The following IGF2BP1 variants were observed in gnomAD, a reference collection of about 807,000 sequenced individuals.
IGF2BP1 encodes insulin-like growth factor 2 mRNA-binding protein 1.
Under a neutral mutation model 74.9 loss-of-function variants are expected in IGF2BP1, and 11 were observed. That is an observed-to-expected ratio of 0.15 (90% CI 0.09 to 0.24). The LOEUF is 0.24. Among genes scored for constraint, IGF2BP1 ranks in the 10% least tolerant of loss-of-function variants. The probability of loss-of-function intolerance (pLI) is 1.00; values close to 1 mark genes in which losing one functional copy is unlikely to be tolerated. For synonymous variants in IGF2BP1, 287 were observed against 281.8 expected, an observed-to-expected ratio of 1.02 and a Z score of -0.18; for missense variants, 440 against 757.4, an observed-to-expected ratio of 0.58 and a Z score of 4.92.
chr17:49,031,102 G>T (rs545984032), intron 4 of IGF2BP1, among the ~76,000 whole-genome samples: 1 of 152,266 alleles, frequency 6.6e-6, no homozygotes, highest in African/African-American at 2.4e-5. Flanking sequence ...CAAAAAGCAA[G>T]AAGGTAAATT....
Position 49,049,662 on chromosome 17 carries a change from G to A in IGF2BP1, c.*218G>A, listed in dbSNP as rs2042147037. 2 of 508,648 alleles carry A rather than the reference G, an allele frequency of 3.9e-6. No homozygotes were observed. The highest frequency in any genetic ancestry group is 3.9e-5 in the African/African-American group (2 of 51,202). The allele number at this position is 508,648 out of a possible 1,614,324, so 31.5% of individuals were successfully genotyped here. A position where few individuals can be genotyped will look rare whatever the true frequency, so the allele number is the denominator to read the frequency against. ...TTGGCCCAACACTGTCTGCCCCTCG[G>A]GGTGTCAGAAATTCTAGCGCAAGGC... On this transcript the variant is annotated 3_prime_UTR_variant, in exon 15 of 15. Coordinates refer to ENST00000290341, the MANE Select transcript of IGF2BP1 (RefSeq NM_006546.4).
At chr17:49,041,640 TAAAG>T in intron 8 of IGF2BP1, 140 bp downstream of exon 8, 2 of 1,148,414 alleles carry the variant, frequency 1.7e-6, no homozygotes, top group Non-Finnish European at 2.5e-6. Flanking sequence ...GTCGAAGTGG[TAAAG>T]AGCATTTAAA....
In IGF2BP1 at chr17:49,030,002, TTGATG is replaced by T. The variant is rs2041904265; in HGVS notation, c.338-1907_338-1903del. The stretch of plus-strand genomic sequence containing the variant: ...ATTTTCCTAGTTAGAGCCAAGAATT[TTGATG>T]GGATCAATGACTAGCATCCTGAGGC... On this transcript the variant is annotated intron_variant, in intron 4 of 14. Transcript: ENST00000290341. Among the ~76,000 whole-genome samples the T allele has an allele frequency of 2.6e-5, 4 of 152,210 alleles. No individual in the cohort carries two copies. The South Asian group carries it at 8.3e-4, about 32-fold the overall frequency.
chr17:49,014,699 C>T (rs1486511291), intron 2 of IGF2BP1: 2 of 858,826 alleles, frequency 2.3e-6, no homozygotes, highest in Admixed American at 6.2e-5. Flanking sequence ...TCCCTGAGGG[C>T]TACTGCGCAG....
chr17:49,022,448 C>T (rs1028079859), intron 2 of IGF2BP1, among the ~76,000 whole-genome samples: 1 of 152,044 alleles, frequency 6.6e-6, no homozygotes, highest in Non-Finnish European at 1.5e-5. Flanking sequence ...TTAATCAGGG[C>T]TGGGGGCTTT....
chr17:49,013,305 G>A (rs2041644589), intron 2 of IGF2BP1, among the ~76,000 whole-genome samples: 1 of 152,130 alleles, frequency 6.6e-6, no homozygotes. Flanking sequence ...GAAGGCCTTG[G>A]GGACTAGCCC....
rs2042226726 is a variant in IGF2BP1, at chr17:49,056,021, AGTTT to A, written c.*6581_*6584del. 6.6e-6 allele frequency among the ~76,000 whole-genome samples: 1 copy of A among 151,650 alleles called. No homozygotes were observed. ...GTGGGGCAGCTGGCTCACACGTTGGAGTTTGTTCTTTGATGGATGAACGAACACT... is the reference window on the plus strand; with the variant it reads ...GTGGGGCAGCTGGCTCACACGTTGGAGTTCTTTGATGGATGAACGAACACT... On this transcript the variant is annotated 3_prime_UTR_variant, in exon 15 of 15. Coordinates refer to ENST00000290341, the MANE Select transcript of IGF2BP1 (RefSeq NM_006546.4).
intron 5 of IGF2BP1, chr17:49,037,397 C>G: frequency 2.0e-6 from 1 of 493,364 alleles, no homozygotes; most frequent in South Asian, 2.2e-5. Flanking sequence ...GGAATTTCTA[C>G]AAAGAGAAGG....
chr17:49,015,510 ATC>A (rs1208585601), intron 2 of IGF2BP1, among the ~76,000 whole-genome samples: 1 of 152,130 alleles, frequency 6.6e-6, no homozygotes, highest in East Asian at 1.9e-4. Flanking sequence ...GGACCTCCCC[ATC>A]TCAGATTGCA....
At chr17:49,030,141 CT>C (rs35530909) in intron 4 of IGF2BP1, among the ~76,000 whole-genome samples, 55,591 of 120,360 alleles carry the variant, frequency 0.46, 11,003 homozygotes, top group African/African-American at 0.58. Context: ...TTTAGCTGGA[CT>C]TTTTTTTTTT....
At chr17:49,015,788 G>A (rs2041693250) in intron 2 of IGF2BP1, among the ~76,000 whole-genome samples, 1 of 152,196 alleles carries the variant, frequency 6.6e-6, no homozygotes, top group African/African-American at 2.4e-5. Flanking sequence ...CTCCTTGGGG[G>A]CTGCTCAGAT....
At chr17:49,038,658 A>G (rs2042014846) in intron 6 of IGF2BP1, among the ~76,000 whole-genome samples, 1 of 152,100 alleles carries the variant, frequency 6.6e-6, no homozygotes. Flanking sequence ...GTGCTAGGCC[A>G]CACACTCGTA....
At position 49,003,619 on chromosome 17, in the gene IGF2BP1, A is replaced by G. The variant is rs544336514; in HGVS notation, c.236+4450A>G. ...TTAAAATAAGTGTGGTTCGTTCCCT[A>G]TCCTCTTAAAAGATTCTTGAAATGT... On this transcript the variant is annotated intron_variant, in intron 2 of 14. Coordinates refer to ENST00000290341, the MANE Select transcript of IGF2BP1 (RefSeq NM_006546.4). 2.3e-4 allele frequency among the ~76,000 whole-genome samples: 35 copies of G among 152,178 alleles called. 2 individuals are homozygous for G. The South Asian group carries it at 5.8e-3, about 25-fold the overall frequency.
At chr17:49,042,675 G>A (rs938385579) in intron 9 of IGF2BP1, among the ~76,000 whole-genome samples, 5 of 151,960 alleles carry the variant, frequency 3.3e-5, no homozygotes, top group Non-Finnish European at 5.9e-5. Flanking sequence ...GTTTTCATCT[G>A]ATTTTTATTT....
intron 2 of IGF2BP1, 65 bp from the exon 3 acceptor site, chr17:49,025,553 T>G (rs1023925907): frequency 1.2e-4 from 159 of 1,378,904 alleles, no homozygotes; most frequent in Non-Finnish European, 1.6e-4. Context: ...GATTAGAAAC[T>G]GCGAGTTCAC....
chr17:49,036,759 G>A (rs950903776), intron 5 of IGF2BP1: 1 of 153,012 alleles, frequency 6.5e-6, no homozygotes, highest in African/African-American at 2.4e-5. Flanking sequence ...AGACCAGCCT[G>A]ACCAACATGG....
intron 2 of IGF2BP1, chr17:49,015,018 C>A (rs2143988980): frequency 1.2e-6 from 1 of 840,362 alleles, no homozygotes. Context: ...CTCTGAAACC[C>A]CGAGTGCCTG....
At chr17:49,046,458 T>A (rs2042108744) in intron 14 of IGF2BP1, 85 bp downstream of exon 14, 2 of 1,026,874 alleles carry the variant, frequency 1.9e-6, no homozygotes, top group Admixed American at 4.1e-5. Context: ...TTGACCTTCA[T>A]GACGTTGACA....
At chr17:49,008,770 T>C (rs1444651163) in intron 2 of IGF2BP1, among the ~76,000 whole-genome samples, 2 of 152,136 alleles carry the variant, frequency 1.3e-5, no homozygotes, top group Non-Finnish European at 2.9e-5. Flanking sequence ...TTAAAAAATA[T>C]ATATTTACAA....
Sources: gnomAD v4.1 joint callset for allele counts (sites outside exome capture counted in the v4.1 genomes callset) on GRCh38, gnomAD v4.1.1 for gene constraint, MANE v1.5 for transcripts, NCBI Gene and HGNC (gene_info 2026-07-23, HGNC 2026-07-21) for gene names.